Variants in ARHGAP20 observed in about 807,000 individuals in gnomAD.
ARHGAP20 encodes the protein rho GTPase-activating protein 20.
ARHGAP20 carries 34 observed loss-of-function variants against 73.7 expected under a neutral mutation model. The observed-to-expected ratio is 0.46, with a 90% CI of 0.35 to 0.61. The LOEUF is 0.61. Among genes scored for constraint, ARHGAP20 ranks in the 20% least tolerant of loss-of-function variants. ARHGAP20 has a pLI of 0.00. For synonymous variants in ARHGAP20, 523 were observed against 518.2 expected (o/e 1.01, Z -0.13); for missense variants, 1,314 against 1,420.9 (o/e 0.92, Z 1.21).
At chr11:110,697,764 T>G (rs2135132859) in intron 1 of ARHGAP20, among the ~76,000 whole-genome samples, 1 of 152,028 alleles carries the variant, frequency 6.6e-6, no homozygotes, top group Middle Eastern at 3.4e-3. Flanking sequence ...GGTTCTCTAT[T>G]CTGCTCCATT....
intron 4 of ARHGAP20, among the ~76,000 whole-genome samples, chr11:110,621,934 T>C (rs1335688701): frequency 6.6e-6 from 1 of 152,252 alleles, no homozygotes; most frequent in Non-Finnish European, 1.5e-5. Flanking sequence ...CTATTTCATC[T>C]GTGATGAGTT....
chr11:110,704,853 GTTTAC>G (rs1337022742), intron 1 of ARHGAP20, among the ~76,000 whole-genome samples: 1 of 152,100 alleles, frequency 6.6e-6, no homozygotes, highest in African/African-American at 2.4e-5. Context: ...TTCACTTAAA[GTTTAC>G]TTTAAAGGTT....
At chr11:110,630,842 G>T in intron 2 of ARHGAP20, 50 bp from the exon 3 acceptor site, 1 of 1,551,842 alleles carries the variant, frequency 6.4e-7, no homozygotes, top group Non-Finnish European at 8.7e-7. Flanking sequence ...TCTTATAGTT[G>T]GTCAAGAACT....
chr11:110,643,048 T>G (rs895409161), intron 2 of ARHGAP20, among the ~76,000 whole-genome samples: 4 of 152,080 alleles, frequency 2.6e-5, no homozygotes, highest in African/African-American at 7.2e-5. Flanking sequence ...CTCTTCTAGA[T>G]TTTTTAATTT....
At chr11:110,711,048 G>A (rs1200516774) in intron 1 of ARHGAP20, among the ~76,000 whole-genome samples, 1 of 150,772 alleles carries the variant, frequency 6.6e-6, no homozygotes, top group East Asian at 1.9e-4. Context: ...TCTTATGCTG[G>A]AAGCGGGGGT....
At chr11:110,694,947 T>C (rs79294928) in intron 1 of ARHGAP20, among the ~76,000 whole-genome samples, 3 of 151,750 alleles carry the variant, frequency 2.0e-5, no homozygotes, top group Admixed American at 6.6e-5. Flanking sequence ...TCTGCTGGAA[T>C]GGTATCATTA....
intron 11 of ARHGAP20, among the ~76,000 whole-genome samples, chr11:110,590,413 G>C (rs186834491): frequency 1.3e-5 from 2 of 152,248 alleles, no homozygotes; most frequent in African/African-American, 4.8e-5. Context: ...GATGAGATTA[G>C]TGTAGGATAA....
intron 2 of ARHGAP20, among the ~76,000 whole-genome samples, chr11:110,683,151 A>T (rs534766528): frequency 6.6e-6 from 1 of 152,150 alleles, no homozygotes; most frequent in Non-Finnish European, 1.5e-5. Context: ...CAATTTCCAC[A>T]AGGTAGGCTG....
chr11:110,580,586 C>A lies in ARHGAP20; in HGVS notation c.2360G>T (p.Gly787Val). The change falls in exon 15 of 15, where the codon GGA becomes GTA. Residue 787 changes from glycine to valine, a missense_variant. Gly to Val is a moderately radical substitution (Grantham distance 109). Coordinates refer to ENST00000683387, the MANE Select transcript of ARHGAP20 (RefSeq NM_001384657.1). The stretch of plus-strand genomic sequence containing the variant: ...CTTAGGGAAAAGTTTCACGTGATTT[C>A]CTTCACTACCAGACAAGCTTTTCTT... The part of the protein sequence containing the change: ...TKKKSLSGSE[G>V]NHVKLFPKSK... 1 of 1,614,224 alleles carries A rather than the reference C, an allele frequency of 6.2e-7. No individual in the cohort carries two copies. Among genetic ancestry groups the A allele is most frequent in the Non-Finnish European group, 8.5e-7 (1 of 1,180,036 alleles).
At chr11:110,585,227 G>A (rs12785660) in intron 12 of ARHGAP20, among the ~76,000 whole-genome samples, 16,684 of 151,358 alleles carry the variant, frequency 0.11, 1,259 homozygotes, top group African/African-American at 0.21. Context: ...CCTCATAAAC[G>A]ATTTAAACAA....
At chr11:110,587,895 T>C (rs563400181) in intron 11 of ARHGAP20, among the ~76,000 whole-genome samples, 5 of 152,282 alleles carry the variant, frequency 3.3e-5, no homozygotes, top group African/African-American at 7.2e-5. Context: ...AGTTACCTCT[T>C]TTTGGGTAAA....
intron 1 of ARHGAP20, chr11:110,711,873 G>A (rs529667935): frequency 7.6e-7 from 1 of 1,314,346 alleles, no homozygotes. Context: ...AGACGGGAGG[G>A]AGGCTGCGAG....
intron 2 of ARHGAP20, among the ~76,000 whole-genome samples, chr11:110,666,752 T>C (rs1949731627): frequency 6.6e-6 from 1 of 152,242 alleles, no homozygotes; most frequent in Admixed American, 6.5e-5. Context: ...ATTTTATCTG[T>C]TGTGATCTGT....
intron 2 of ARHGAP20, among the ~76,000 whole-genome samples, chr11:110,667,837 A>G (rs1949754860): frequency 6.6e-6 from 1 of 152,204 alleles, no homozygotes; most frequent in Non-Finnish European, 1.5e-5. Context: ...GTCACTGCAA[A>G]TGTGGTAGAA....
intron 3 of ARHGAP20, among the ~76,000 whole-genome samples, chr11:110,629,415 T>G (rs1948815213): frequency 6.6e-6 from 1 of 152,208 alleles, no homozygotes; most frequent in Non-Finnish European, 1.5e-5. Context: ...ATCCAATAAT[T>G]TTTAATTAAG....
intron 2 of ARHGAP20, among the ~76,000 whole-genome samples, chr11:110,689,392 C>T (rs1278396272): frequency 6.6e-6 from 1 of 152,018 alleles, no homozygotes; most frequent in Non-Finnish European, 1.5e-5. Flanking sequence ...ATCATTGTAA[C>T]ATTCCTTTGA....
At chr11:110,605,818 A>C (rs919622883) in intron 9 of ARHGAP20, among the ~76,000 whole-genome samples, 1 of 152,210 alleles carries the variant, frequency 6.6e-6, no homozygotes, top group East Asian at 1.9e-4. Context: ...GGTTCTTTGC[A>C]AAACGCAAAT....
chr11:110,700,391 G>C (rs1241684080), intron 1 of ARHGAP20, among the ~76,000 whole-genome samples: 1 of 151,592 alleles, frequency 6.6e-6, no homozygotes, highest in Non-Finnish European at 1.5e-5. Flanking sequence ...TAACAAATTA[G>C]CTTATTCAAA....
At position 110,580,803 on chromosome 11, in the gene ARHGAP20, G is replaced by T. The variant is rs764104874; in HGVS notation, c.2143C>A (p.Leu715Ile). The stretch of plus-strand genomic sequence containing the variant: ...TGATAAAACTCCCTGAGGTAGGAAA[G>T]CTTTGAATCCAGATAGTCGATGCTG... ...EPSIDYLDSK[L>I]SYLREFYQKK... Residue 715 changes from leucine to isoleucine, a missense_variant, in exon 15 of 15, where the codon CTT becomes ATT. Physicochemically the swap from Leu to Ile is conservative, Grantham distance 5. This residue lies in a region of ARHGAP20 where 641 missense variants were observed against 636.9 expected (regional missense o/e 1.01). Coordinates refer to ENST00000683387, the MANE Select transcript of ARHGAP20 (RefSeq NM_001384657.1). The T allele has an allele frequency of 6.2e-7, 1 of 1,614,164 alleles. No individual in the cohort carries two copies. The highest frequency in any genetic ancestry group is 1.1e-5 in the South Asian group (1 of 91,084).
Sources: allele counts gnomAD v4.1 joint callset (sites outside exome capture counted in the v4.1 genomes callset), GRCh38; gene constraint gnomAD v4.1.1; regional missense constraint gnomAD v4.1.1; transcripts MANE v1.5; gene names NCBI Gene and HGNC (gene_info 2026-07-23, HGNC 2026-07-21).